The following MDH1B variants were observed in gnomAD, a reference collection of about 807,000 sequenced individuals.
The protein encoded by MDH1B is malate dehydrogenase 1B, also known as putative malate dehydrogenase 1B.
MDH1B carries 60 observed loss-of-function variants against 61.4 expected under a neutral mutation model. The ratio of observed to expected loss-of-function variants is 0.98; its 90% confidence interval spans 0.79 to 1.21. The LOEUF (loss-of-function observed/expected upper bound fraction) is 1.21. Ranked by LOEUF, MDH1B falls within the 50% of genes most tolerant of loss-of-function variation. MDH1B has a pLI of 0.00. For missense variants in MDH1B, 587 were observed against 632.1 expected, an observed-to-expected ratio of 0.93 and a Z score of 0.76; for synonymous variants, 236 against 218.7, an observed-to-expected ratio of 1.08 and a Z score of -0.70.
chr2:206,756,767 A>G (rs1688784210), intron 4 of MDH1B, 131 bp downstream of exon 4: 3 of 848,836 alleles, frequency 3.5e-6, no homozygotes, highest in African/African-American at 1.7e-5. Flanking sequence ...GTGTATACAT[A>G]TAAGTATACA....
intron 6 of MDH1B, among the ~76,000 whole-genome samples, chr2:206,750,230 A>G (rs146796389): frequency 8.0e-4 from 121 of 151,986 alleles, no homozygotes; most frequent in African/African-American, 2.5e-3. Flanking sequence ...CTGCCTCATC[A>G]TAATTGCTAG....
At chr2:206,740,032 A>C (rs1262065985) in intron 10 of MDH1B, among the ~76,000 whole-genome samples, 1 of 152,256 alleles carries the variant, frequency 6.6e-6, no homozygotes, top group Non-Finnish European at 1.5e-5. Flanking sequence ...GAAACAGACT[A>C]AATTATTATT....
rs533137512 is a variant in MDH1B at position 206,740,888 on chromosome 2, T to G, written c.1459+166A>C. On this transcript the variant is annotated intron_variant, in intron 10 of 11. Coordinates refer to ENST00000374412, the MANE Select transcript of MDH1B (RefSeq NM_001039845.3). ...AGTTTTAGTGCTTTTTAAAAAAAAG[T>G]TGACATTTTTATGCCCATTTCAAAG... 2.6e-5 allele frequency among the ~76,000 whole-genome samples: 4 copies of G among 152,346 alleles called. No homozygotes were observed. In the South Asian group the frequency reaches 8.3e-4, roughly 32 times the overall value.
At chr2:206,740,133 T>C (rs928469773) in intron 10 of MDH1B, among the ~76,000 whole-genome samples, 2 of 152,232 alleles carry the variant, frequency 1.3e-5, no homozygotes, top group Non-Finnish European at 2.9e-5. Context: ...TGTATACAGT[T>C]GACCCCTGAA....
chr2:206,758,781 CA>C (rs374225479), intron 2 of MDH1B, among the ~76,000 whole-genome samples: 4 of 137,776 alleles, frequency 2.9e-5, no homozygotes, highest in South Asian at 2.2e-4. Flanking sequence ...CACACACACA[CA>C]AAAAAAAAAC....
At chr2:206,763,009 T>C (rs1173566121) in intron 1 of MDH1B, among the ~76,000 whole-genome samples, 2 of 152,118 alleles carry the variant, frequency 1.3e-5, no homozygotes, top group African/African-American at 4.8e-5. Context: ...TTCATTCCCT[T>C]GGCTTCAAGT....
In MDH1B at chr2:206,755,282, C is replaced by T; in HGVS notation, c.637G>A (p.Val213Met). 2 of 1,614,188 alleles carry T rather than the reference C, an allele frequency of 1.2e-6. No individual in the cohort carries two copies. Among genetic ancestry groups the T allele is most frequent in the East Asian group, 2.2e-5 (1 of 44,886 alleles). The change falls in exon 5 of 12, where the codon GTG becomes ATG. Residue 213 changes from valine to methionine, a missense_variant. Val to Met is a conservative substitution (Grantham distance 21, BLOSUM62 1). Transcript: ENST00000374412. ...TCCTTGTTGGTGCTGTCATCCAGCA[C>T]CACAATGACGTGGGCCTGGCGGAAG... Reference protein sequence around the residue: ...EAFRQAHVIVVLDDSTNKEVF... With the variant: ...EAFRQAHVIVMLDDSTNKEVF...
Position 206,741,080 on chromosome 2 carries a change from T to A in MDH1B, c.1433A>T (p.Glu478Val), listed in dbSNP as rs1246147572. 2.5e-6 allele frequency: 4 copies of A among 1,613,152 alleles called. No homozygotes were observed. Among genetic ancestry groups the A allele is most frequent in the Non-Finnish European group, 3.4e-6 (4 of 1,179,476 alleles). Reference protein sequence around the residue: ...QSGHKDLVPDEEKNLAMSDAA... With the variant: ...QSGHKDLVPDVEKNLAMSDAA... ...ATCTGACATAGCTAGATTTTTTTCT[T>A]CATCAGGGACCAGATCTTTATGTCC... The change falls in exon 10 of 12, where the codon GAA becomes GTA. Residue 478 changes from glutamate (E) to valine (V), a missense_variant. Physicochemically the swap from Glu to Val is moderately radical, Grantham distance 121. Coordinates refer to ENST00000374412, the MANE Select transcript of MDH1B (RefSeq NM_001039845.3).
chr2:206,757,735 A>G (rs1295798756), intron 2 of MDH1B, among the ~76,000 whole-genome samples: 1 of 152,204 alleles, frequency 6.6e-6, no homozygotes, highest in East Asian at 1.9e-4. Context: ...TACACATGCA[A>G]TATTTCCAGT....
intron 10 of MDH1B, 144 bp downstream of exon 10, chr2:206,740,910 A>G (rs1425758949): frequency 8.6e-7 from 1 of 1,156,664 alleles, no homozygotes; most frequent in Non-Finnish European, 1.2e-6. Context: ...TGCCCATTTC[A>G]AAGTGTTTGT....
chr2:206,760,573 G>T (rs149805970), intron 2 of MDH1B, among the ~76,000 whole-genome samples: 1 of 152,102 alleles, frequency 6.6e-6, no homozygotes, highest in South Asian at 2.1e-4. Context: ...TCCCAAAGAA[G>T]GGTATCCCAA....
rs1453656402 is a variant in MDH1B, at chr2:206,744,397, A to G, written c.1408+1225T>C. Among the ~76,000 whole-genome samples, 4 of 152,234 alleles carry G rather than the reference A, an allele frequency of 2.6e-5. No individual in the cohort carries two copies. The East Asian group carries it at 7.7e-4, about 29-fold the overall frequency. On this transcript the variant is annotated intron_variant, in intron 9 of 11. Transcript: ENST00000374412. ...CAGAAGGAAGGAATATTGGGCTCCAAAAGACACTTGACTAAAGCCCTTTGC... is the reference window on the plus strand; with the variant it reads ...CAGAAGGAAGGAATATTGGGCTCCAGAAGACACTTGACTAAAGCCCTTTGC...
In MDH1B at chr2:206,755,736, T is replaced by G. The variant is rs561485627; in HGVS notation, c.414-231A>C. Among the ~76,000 whole-genome samples the G allele has an allele frequency of 2.0e-5, 3 of 152,286 alleles. No individual in the cohort carries two copies. The East Asian group carries it at 5.8e-4, about 29-fold the overall frequency. On this transcript the variant is annotated intron_variant, in intron 4 of 11. Coordinates refer to ENST00000374412, the MANE Select transcript of MDH1B (RefSeq NM_001039845.3). The stretch of plus-strand genomic sequence containing the variant: ...GAAATCAGTCCCCAAATAAGAAATA[T>G]ACCTGTTTATTAGGTTTTTCAAAGA...
Position 206,751,768 on chromosome 2 carries a change from G to A in MDH1B, c.911-693C>T, listed in dbSNP as rs547812094. Among the ~76,000 whole-genome samples the A allele has an allele frequency of 7.2e-5, 11 of 152,276 alleles. 1 individual carries two copies. The South Asian group carries it at 2.3e-3, about 32-fold the overall frequency. ...TAAGAAGTAAAATAAGACCATAGTG[G>A]TTAGAGAGAAATAGGCATTGGCATT... On this transcript the variant is annotated intron_variant, in intron 5 of 11. Transcript: ENST00000374412.
At chr2:206,750,607 TCA>T (rs767542448) in intron 6 of MDH1B, among the ~76,000 whole-genome samples, 2 of 151,930 alleles carry the variant, frequency 1.3e-5, no homozygotes, top group Non-Finnish European at 2.9e-5. Context: ...TGAAAACGTT[TCA>T]ATTAATTTCA....
At chr2:206,752,126 C>T (rs1688484423) in intron 5 of MDH1B, among the ~76,000 whole-genome samples, 1 of 152,156 alleles carries the variant, frequency 6.6e-6, no homozygotes, top group Non-Finnish European at 1.5e-5. Flanking sequence ...GCAGCAGCTC[C>T]AACTATCACC....
chr2:206,738,827 C>T (rs1424299516), intron 11 of MDH1B, among the ~76,000 whole-genome samples: 2 of 152,100 alleles, frequency 1.3e-5, no homozygotes, highest in Admixed American at 6.5e-5. Context: ...TTTGCTGCTC[C>T]TCTATGTACC....
intron 11 of MDH1B, among the ~76,000 whole-genome samples, chr2:206,739,273 G>A (rs933270303): frequency 6.6e-6 from 1 of 152,082 alleles, no homozygotes; most frequent in Non-Finnish European, 1.5e-5. Context: ...AAAATTAGTT[G>A]GGAGTGGTGA....
chr2:206,761,470 T>C (rs1197100324), intron 1 of MDH1B, among the ~76,000 whole-genome samples: 1 of 152,130 alleles, frequency 6.6e-6, no homozygotes, highest in African/African-American at 2.4e-5. Context: ...CTGGGATAAC[T>C]TCTATTTTCC....
Sources: allele counts gnomAD v4.1 joint callset (sites outside exome capture counted in the v4.1 genomes callset), GRCh38; gene constraint gnomAD v4.1.1; transcripts MANE v1.5; gene names NCBI Gene and HGNC (gene_info 2026-07-23, HGNC 2026-07-21).